HK1: variants seen among roughly 807,000 people sequenced by gnomAD.
HK1 encodes the protein hexokinase 1.
A neutral mutation model predicts 91.6 loss-of-function variants in HK1; 28 were observed. The observed-to-expected ratio is 0.31, with a 90% CI of 0.23 to 0.42. The LOEUF is 0.42. Ranked by LOEUF, HK1 falls within the 10% of genes least tolerant of loss-of-function variation. The pLI is 1.00. For synonymous variants in HK1, 430 were observed against 468.1 expected (o/e 0.92, Z 1.05); for missense variants, 770 against 1,219.8 (o/e 0.63, Z 5.49).
chr10:69,310,219 G>A (rs1033677085), intron 5 of HK1, among the ~76,000 whole-genome samples: 6 of 150,786 alleles, frequency 4.0e-5, no homozygotes, highest in Admixed American at 4.0e-4. Context: ...TCAGGAGTTC[G>A]AGACCAGGCT....
chr10:69,375,587 G>A (rs908981766), intron 7 of HK1, among the ~76,000 whole-genome samples: 6 of 152,202 alleles, frequency 3.9e-5, no homozygotes, highest in African/African-American at 1.2e-4. Context: ...GTTGAGGGCC[G>A]GGTGCTCAGG....
chr10:69,326,010 A>G (rs1417002710), intron 1 of HK1, among the ~76,000 whole-genome samples: 1 of 150,130 alleles, frequency 6.7e-6, no homozygotes, highest in Non-Finnish European at 1.5e-5. Context: ...AATTTTTTGT[A>G]TTTTTTGTAG....
chr10:69,290,347 G>C (rs1050254959), intron 3 of HK1, among the ~76,000 whole-genome samples: 1 of 152,218 alleles, frequency 6.6e-6, no homozygotes, highest in African/African-American at 2.4e-5. Context: ...CGAGGCAAGA[G>C]GTGAGGGTCT....
chr10:69,367,690 C>G (rs1849778446), intron 4 of HK1, among the ~76,000 whole-genome samples: 2 of 152,056 alleles, frequency 1.3e-5, no homozygotes, highest in Non-Finnish European at 1.5e-5. Context: ...AATGCTATCC[C>G]TGAGCTACCT....
At chr10:69,366,599 A>T (rs1285790123) in intron 4 of HK1, among the ~76,000 whole-genome samples, 10 of 151,902 alleles carry the variant, frequency 6.6e-5, no homozygotes, top group African/African-American at 2.2e-4. Context: ...ACATGTCTAA[A>T]TGCCTCCGAG....
intron 1 of HK1, chr10:69,278,365 A>G (rs1212341221): frequency 6.6e-6 from 1 of 152,178 alleles, no homozygotes; most frequent in African/African-American, 2.4e-5. Flanking sequence ...TACTCCACAC[A>G]TTGCCCACTC....
intron 1 of HK1, 112 bp downstream of exon 1, chr10:69,319,122 A>G (rs1196363113): frequency 7.8e-7 from 1 of 1,273,894 alleles, no homozygotes; most frequent in Non-Finnish European, 1.1e-6. Context: ...CCGGGCCAGC[A>G]TCGAGTTGGA....
chr10:69,279,163 T>C (rs1844611273), intron 1 of HK1, among the ~76,000 whole-genome samples: 1 of 152,142 alleles, frequency 6.6e-6, no homozygotes, highest in East Asian at 1.9e-4. Context: ...GGAGCACTGG[T>C]TGGTGGTGGG....
At chr10:69,272,289 G>C (rs56224326) in intron 1 of HK1, among the ~76,000 whole-genome samples, 1 of 152,184 alleles carries the variant, frequency 6.6e-6, no homozygotes, top group African/African-American at 2.4e-5. Context: ...AAATTAATTT[G>C]TATTTTTTTC....
intron 4 of HK1, chr10:69,295,740 G>T (rs3812689): frequency 8.5e-6 from 9 of 1,063,282 alleles, no homozygotes; most frequent in Admixed American, 3.5e-5. Flanking sequence ...AAGATAGTGC[G>T]TGGCAATCCC....
At position 69,331,728 on chromosome 10, in the gene HK1, C is replaced by T. The variant is rs12262687; in HGVS notation, c.64-12099C>T. 2.3e-3 allele frequency among the ~76,000 whole-genome samples: 345 copies of T among 151,822 alleles called. 4 individuals carry two copies. The highest frequency in any genetic ancestry group is 8.0e-3 in the African/African-American group (332 of 41,388). ...CATCTCTGCAAATAATTAAAAACGT[C>T]AGCTGGGCATGGTGGCACACATCTA... On this transcript the variant is annotated intron_variant, in intron 1 of 17. Coordinates refer to ENST00000359426, the MANE Select transcript of HK1 (RefSeq NM_000188.3).
intron 1 of HK1, among the ~76,000 whole-genome samples, chr10:69,281,436 C>T (rs748798220): frequency 6.6e-6 from 1 of 152,228 alleles, no homozygotes. Context: ...TCTTTCTCTT[C>T]CTCATCCTCC....
At chr10:69,305,128 AGAT>A (rs906117149) in intron 5 of HK1, among the ~76,000 whole-genome samples, 61 of 152,296 alleles carry the variant, frequency 4.0e-4, no homozygotes, top group African/African-American at 1.4e-3. Context: ...TCATAATCCA[AGAT>A]GATTGCAGGA....
upstream of HK1, among the ~76,000 whole-genome samples, chr10:69,313,259 G>A (rs977467224): frequency 2.6e-5 from 4 of 152,154 alleles, no homozygotes; most frequent in Non-Finnish European, 5.9e-5. Flanking sequence ...TCAAGCAGTG[G>A]GCTGGGTGGG....
At chr10:69,375,751 G>T (rs1839063011) in intron 7 of HK1, among the ~76,000 whole-genome samples, 1 of 152,212 alleles carries the variant, frequency 6.6e-6, no homozygotes, top group Non-Finnish European at 1.5e-5. Flanking sequence ...CTGCTCAGGG[G>T]TTCCTCCTGG....
chr10:69,328,372 C>T (rs1847501703), intron 1 of HK1, among the ~76,000 whole-genome samples: 2 of 152,212 alleles, frequency 1.3e-5, no homozygotes, highest in Admixed American at 1.3e-4. Flanking sequence ...GCATTCAGTG[C>T]CTACTAGGCG....
At chr10:69,378,294 T>C (rs1839215353) in intron 8 of HK1, among the ~76,000 whole-genome samples, 1 of 149,536 alleles carries the variant, frequency 6.7e-6, no homozygotes. Context: ...ATGTATATTA[T>C]AATAAAGGCT....
chr10:69,387,814 A>T (rs1589578381), intron 13 of HK1, among the ~76,000 whole-genome samples: 1 of 152,120 alleles, frequency 6.6e-6, no homozygotes, highest in African/African-American at 2.4e-5. Context: ...AAAATGAAAA[A>T]TTCCCAAGAT....
At chr10:69,318,129 G>C, upstream of HK1, 1 of 985,470 alleles carries the variant, frequency 1.0e-6, no homozygotes, top group Non-Finnish European at 1.2e-6. Flanking sequence ...GTGACTCGGG[G>C]GCGGGTGCTC....
Sources: gnomAD v4.1 joint callset for allele counts (sites outside exome capture counted in the v4.1 genomes callset) on GRCh38, gnomAD v4.1.1 for gene constraint, MANE v1.5 for transcripts, NCBI Gene and HGNC (gene_info 2026-07-23, HGNC 2026-07-21) for gene names.